Variants in DCP1A observed in about 807,000 individuals in gnomAD.
DCP1A encodes mRNA-decapping enzyme 1A.
Under a neutral mutation model 58.0 loss-of-function variants are expected in DCP1A, and 20 were observed. That is an observed-to-expected ratio of 0.34 (90% CI 0.24 to 0.50). The LOEUF is 0.50. Ranked by LOEUF, DCP1A falls within the 20% of genes least tolerant of loss-of-function variation. DCP1A has a pLI of 0.98. For missense variants in DCP1A, 613 were observed against 712.2 expected (o/e 0.86, Z 1.59); for synonymous variants, 285 against 275.1 (o/e 1.04, Z -0.36).
chr3:53,334,224 TTA>T (rs797033351), intron 3 of DCP1A, among the ~76,000 whole-genome samples: 11 of 152,218 alleles, frequency 7.2e-5, no homozygotes, highest in African/African-American at 2.6e-4. Context: ...TGATGGTGTG[TTA>T]CTGCACTCCA....
At chr3:53,343,541 CAG>C (rs1553692828) in intron 2 of DCP1A, among the ~76,000 whole-genome samples, 1 of 152,132 alleles carries the variant, frequency 6.6e-6, no homozygotes, top group African/African-American at 2.4e-5. Context: ...GTTCTAATAA[CAG>C]AGTTTCTAGA....
chr3:53,316,428 C>G (rs533596677), intron 4 of DCP1A, among the ~76,000 whole-genome samples: 6 of 151,920 alleles, frequency 3.9e-5, no homozygotes, highest in Non-Finnish European at 7.4e-5. Flanking sequence ...AGGGTATTCT[C>G]TAATCACTTT....
intron 3 of DCP1A, chr3:53,329,379 C>G (rs538128811): frequency 3.0e-5 from 12 of 398,336 alleles, no homozygotes; most frequent in African/African-American, 2.1e-4. Context: ...GAGATCGATG[C>G]CCGATATAAA....
At chr3:53,339,055 G>A (rs781854576) in intron 3 of DCP1A, among the ~76,000 whole-genome samples, 1 of 152,142 alleles carries the variant, frequency 6.6e-6, no homozygotes, top group Non-Finnish European at 1.5e-5. Flanking sequence ...AATGGCAGAA[G>A]TGCAGCTATA....
At chr3:53,294,625 C>T (rs62256057) in intron 6 of DCP1A, among the ~76,000 whole-genome samples, 55,734 of 152,148 alleles carry the variant, frequency 0.37, 10,608 homozygotes, top group Middle Eastern at 0.44. Flanking sequence ...GAGGCTGCAG[C>T]GACACAGCTG....
intron 8 of DCP1A, 134 bp from the exon 9 acceptor site, chr3:53,288,417 A>C: frequency 1.5e-6 from 1 of 651,248 alleles, no homozygotes; most frequent in South Asian, 1.9e-5. Flanking sequence ...AGTTCAGGTA[A>C]ACATTCAGTA....
At chr3:53,331,940 C>T (rs1224006651) in intron 3 of DCP1A, among the ~76,000 whole-genome samples, 1 of 152,144 alleles carries the variant, frequency 6.6e-6, no homozygotes, top group African/African-American at 2.4e-5. Flanking sequence ...TGGGTTGGTG[C>T]AAAATATTTG....
chr3:53,289,672 A>G (rs1410108751), intron 8 of DCP1A, among the ~76,000 whole-genome samples: 2 of 152,136 alleles, frequency 1.3e-5, no homozygotes, highest in Non-Finnish European at 2.9e-5. Context: ...ATAGATAGCA[A>G]TGAGAAAATT....
At chr3:53,316,149 T>C (rs1707806065) in intron 4 of DCP1A, among the ~76,000 whole-genome samples, 1 of 152,188 alleles carries the variant, frequency 6.6e-6, no homozygotes, top group Admixed American at 6.6e-5. Flanking sequence ...TGGGCACTGA[T>C]GGACACATTT....
rs1412752677 is a variant in DCP1A, at chr3:53,290,913, T to G, written c.1384-57A>C. 5 of 1,427,890 alleles carry G rather than the reference T, an allele frequency of 3.5e-6. No individual in the cohort carries two copies. The African/African-American group carries it at 7.1e-5, about 20-fold the overall frequency. The allele number at this position is 1,427,890 out of a possible 1,614,324, so 88.5% of individuals were successfully genotyped here. A position where few individuals can be genotyped will look rare whatever the true frequency, so the allele number is the denominator to read the frequency against. On this transcript the variant is annotated intron_variant, in intron 7 of 9. Transcript: ENST00000610213. ...TATAAGAAGTTTCAATTAAGAAGACTTCCTAGTCTTAATTGAAAAAGACTT... is the reference window on the plus strand; with the variant it reads ...TATAAGAAGTTTCAATTAAGAAGACGTCCTAGTCTTAATTGAAAAAGACTT...
At chr3:53,295,063 T>C (rs941175113) in intron 6 of DCP1A, among the ~76,000 whole-genome samples, 1 of 152,272 alleles carries the variant, frequency 6.6e-6, no homozygotes, top group Middle Eastern at 3.4e-3. Flanking sequence ...CAAGAGATCC[T>C]GTGTCAGGAG....
chr3:53,306,453 A>C (rs1707473947), intron 5 of DCP1A, among the ~76,000 whole-genome samples: 1 of 152,162 alleles, frequency 6.6e-6, no homozygotes, highest in African/African-American at 2.4e-5. Flanking sequence ...TTGGGGCTGG[A>C]AGCAGTGGCT....
At chr3:53,337,112 T>A (rs1289242964) in intron 3 of DCP1A, among the ~76,000 whole-genome samples, 1 of 152,142 alleles carries the variant, frequency 6.6e-6, no homozygotes, top group Non-Finnish European at 1.5e-5. Flanking sequence ...CCGCAGGTGA[T>A]CCACCCGCCT....
At position 53,287,392 on chromosome 3, in the gene DCP1A, G is replaced by T; in HGVS notation, c.*188C>A. The T allele has an allele frequency of 5.5e-6, 1 of 183,422 alleles. No individual in the cohort carries two copies. 11.4% of individuals were successfully genotyped at this position (183,422 alleles called of 1,614,324 possible). A position where few individuals can be genotyped will look rare whatever the true frequency, so the allele number is the denominator to read the frequency against. On this transcript the variant is annotated 3_prime_UTR_variant, in exon 10 of 10. Coordinates refer to ENST00000610213, the MANE Select transcript of DCP1A (RefSeq NM_018403.7). ...TTTGTCAAAACAAGGATCTGCTGGT[G>T]ATGCTTCACAGTGAAACCTCCATTA...
chr3:53,329,284 T>C, intron 3 of DCP1A: 1 of 398,190 alleles, frequency 2.5e-6, no homozygotes, highest in Non-Finnish European at 4.4e-6. Flanking sequence ...ACTTTCCATT[T>C]GGCAGTGGCA....
At chr3:53,305,355 CT>C (rs782691454) in intron 5 of DCP1A, among the ~76,000 whole-genome samples, 99 of 139,428 alleles carry the variant, frequency 7.1e-4, no homozygotes, top group Middle Eastern at 3.7e-3. Flanking sequence ...ATTTTTTTTT[CT>C]TTTTTTTTTT....
intron 3 of DCP1A, among the ~76,000 whole-genome samples, chr3:53,325,368 C>A (rs1321113484): frequency 2.6e-5 from 4 of 152,132 alleles, no homozygotes; most frequent in African/African-American, 4.8e-5. Context: ...CTAGAAGGAT[C>A]TGAGGAGGCT....
chr3:53,336,542 A>C (rs1381070856), intron 3 of DCP1A, among the ~76,000 whole-genome samples: 1 of 152,148 alleles, frequency 6.6e-6, no homozygotes, highest in Non-Finnish European at 1.5e-5. Context: ...TGTTTGTTAT[A>C]TGCTACCTTT....
chr3:53,335,771 A>G (rs2089103236), intron 3 of DCP1A, among the ~76,000 whole-genome samples: 1 of 152,170 alleles, frequency 6.6e-6, no homozygotes, highest in Non-Finnish European at 1.5e-5. Flanking sequence ...AATTTCTATT[A>G]GTTCTACTCA....
Sources: gnomAD v4.1 joint callset for allele counts (sites outside exome capture counted in the v4.1 genomes callset) on GRCh38, gnomAD v4.1.1 for gene constraint, MANE v1.5 for transcripts, NCBI Gene and HGNC (gene_info 2026-07-23, HGNC 2026-07-21) for gene names.